GYPB: variants seen among roughly 807,000 people sequenced by gnomAD.
The protein encoded by GYPB is glycophorin B (MNS blood group).
GYPB carries 13 observed loss-of-function variants against 15.3 expected under a neutral mutation model. That is an observed-to-expected ratio of 0.85 (90% CI 0.55 to 1.35). The LOEUF is 1.35. Among genes scored for constraint, GYPB ranks in the 40% most tolerant of loss-of-function variants. The probability of loss-of-function intolerance (pLI) is 0.00; values close to 1 mark genes in which losing one functional copy is unlikely to be tolerated. For synonymous variants in GYPB, 38 were observed against 36.9 expected (o/e 1.03, Z -0.11); for missense variants, 131 against 108.3 (o/e 1.21, Z -0.93).
chr4:143,995,641 T>G (rs996832923), downstream of GYPB, among the ~76,000 whole-genome samples: 48 of 151,124 alleles, frequency 3.2e-4, 2 homozygotes, highest in African/African-American at 1.1e-3. Context: ...AGTCAGGCCC[T>G]TCTCTACGTG....
In GYPB at chr4:144,002,746, T is replaced by C. The variant is rs188867628; in HGVS notation, c.38-1463A>G. On this transcript the variant is annotated intron_variant, in intron 1 of 4. Transcript: ENST00000502664. ...CATCTTCTCTGACACCTCTCATTAG[T>C]CTACTCAAGGGAAGAGTTCTAAAAC... is the stretch of plus-strand genomic sequence containing the variant. The C allele has an allele frequency of 8.1e-5, 101 of 1,250,696 alleles. 3 individuals carry two copies. The African/African-American group carries it at 1.5e-3, about 18-fold the overall frequency. 77.5% of individuals were successfully genotyped at this position (1,250,696 alleles called of 1,614,324 possible). A position where few individuals can be genotyped will look rare whatever the true frequency, so the allele number is the denominator to read the frequency against.
rs143535803 is a variant in GYPB at position 144,004,017 on chromosome 4, C to A, written c.38-2734G>T. On this transcript the variant is annotated intron_variant, in intron 1 of 4. Coordinates refer to ENST00000502664, the MANE Select transcript of GYPB (RefSeq NM_002100.6). ...AATTTCCTCAATGTAAAATTGTATA[C>A]ACTTTATCCAAGTCCCATCTGGGCA... Among the ~76,000 whole-genome samples the A allele has an allele frequency of 7.1e-3, 1,069 of 151,536 alleles. 61 individuals are homozygous for A. The highest frequency in any genetic ancestry group is 0.025 in the African/African-American group (1,006 of 40,850).
At chr4:144,000,137 T>C (rs80219495) in intron 2 of GYPB, 14,133 of 110,802 alleles carry the variant, frequency 0.13, 13 homozygotes, top group Non-Finnish European at 0.17. Flanking sequence ...ATATGCTATG[T>C]TGTTTGATGA....
intron 1 of GYPB, among the ~76,000 whole-genome samples, chr4:144,006,886 A>G (rs913701467): frequency 7.3e-5 from 11 of 151,538 alleles, no homozygotes; most frequent in Admixed American, 3.3e-4. Context: ...TTCCAACTCA[A>G]TGCCTTTTCT....
At chr4:144,012,690 A>G (rs1437402682) in intron 1 of GYPB, 1 of 151,636 alleles carries the variant, frequency 6.6e-6, no homozygotes, top group Admixed American at 6.6e-5. Context: ...TTAACTTTCA[A>G]GAAGGGTGTC....
intron 1 of GYPB, among the ~76,000 whole-genome samples, chr4:144,011,470 CA>C (rs1416474364): frequency 6.6e-6 from 1 of 151,218 alleles, no homozygotes; most frequent in Non-Finnish European, 1.5e-5. Context: ...ACATTACAAA[CA>C]GTGAAAAAGA....
intron 1 of GYPB, chr4:144,008,588 G>A (rs1434657169): frequency 9.2e-6 from 4 of 435,754 alleles, no homozygotes; most frequent in African/African-American, 8.3e-5. Flanking sequence ...AGAACAAAAG[G>A]GGATTTCACA....
intron 1 of GYPB, among the ~76,000 whole-genome samples, chr4:144,014,901 G>A (rs1313276625): frequency 6.6e-6 from 1 of 151,444 alleles, no homozygotes; most frequent in Non-Finnish European, 1.5e-5. Context: ...GCCTATATAT[G>A]GAACCTAACC....
rs1275078171 is a variant in GYPB, at chr4:143,999,441, C to G, written c.145G>C (p.Gly49Arg). ...ACAGTGAAACGATGGACAAGTTGTC[C>G]CGTTTCTCCTATAAAGCAAAATTTC... ...YISSQTNGETGQLVHRFTVPA... is the reference protein window; with the variant it reads ...YISSQTNGETRQLVHRFTVPA... Residue 49 changes from glycine (G) to arginine (R), a missense_variant, in exon 3 of 5, where the codon GGA becomes CGA. By Grantham distance (125) the Gly-to-Arg change is moderately radical. Transcript: ENST00000502664. The G allele has an allele frequency of 2.0e-5, 30 of 1,532,750 alleles. No homozygotes were observed. Among genetic ancestry groups the G allele is most frequent in the Non-Finnish European group, 2.5e-5 (28 of 1,111,778 alleles). 94.9% of individuals were successfully genotyped at this position (1,532,750 alleles called of 1,614,324 possible). A position where few individuals can be genotyped will look rare whatever the true frequency, so the allele number is the denominator to read the frequency against.
At chr4:144,005,193 G>T (rs1455952273) in intron 1 of GYPB, among the ~76,000 whole-genome samples, 3 of 151,950 alleles carry the variant, frequency 2.0e-5, no homozygotes, top group Admixed American at 2.0e-4. Context: ...CGACTTTACA[G>T]ATAGACATTT....
chr4:144,005,627 C>T (rs1457553297), intron 1 of GYPB, among the ~76,000 whole-genome samples: 2 of 151,704 alleles, frequency 1.3e-5, no homozygotes, highest in East Asian at 3.9e-4. Flanking sequence ...CATCTTCTGG[C>T]AGGAACACAT....
chr4:144,007,359 G>A (rs1376623219), intron 1 of GYPB, among the ~76,000 whole-genome samples: 1 of 151,946 alleles, frequency 6.6e-6, no homozygotes, highest in Admixed American at 6.5e-5. Flanking sequence ...TGCTTTGGCA[G>A]TCCCCATACA....
At chr4:144,001,758 A>G (rs1202841661) in intron 1 of GYPB, among the ~76,000 whole-genome samples, 5 of 151,162 alleles carry the variant, frequency 3.3e-5, no homozygotes, top group African/African-American at 1.2e-4. Flanking sequence ...CTATGCTAAG[A>G]AAGGTGGAAG....
intron 1 of GYPB, among the ~76,000 whole-genome samples, chr4:144,017,522 T>C (rs539851833): frequency 3.3e-5 from 5 of 151,140 alleles, no homozygotes; most frequent in Admixed American, 2.0e-4. Flanking sequence ...CTGGAGACCA[T>C]TGTAGCTTTC....
chr4:144,008,514 G>C, intron 1 of GYPB: 1 of 455,012 alleles, frequency 2.2e-6, no homozygotes, highest in South Asian at 1.5e-5. Flanking sequence ...CTGTTAAGTT[G>C]AATCTTAATT....
chr4:144,009,539 C>T (rs1438078407), intron 1 of GYPB, among the ~76,000 whole-genome samples: 1 of 145,916 alleles, frequency 6.9e-6, no homozygotes, highest in Admixed American at 6.8e-5. Flanking sequence ...GATTTGTGGG[C>T]AGTAGAATTT....
At chr4:144,005,266 C>T (rs1727847203) in intron 1 of GYPB, among the ~76,000 whole-genome samples, 1 of 151,974 alleles carries the variant, frequency 6.6e-6, no homozygotes, top group Admixed American at 6.5e-5. Context: ...AGAACTGAGA[C>T]TTAATTCTGC....
chr4:144,017,486 C>T (rs1728567914), intron 1 of GYPB, among the ~76,000 whole-genome samples: 1 of 151,166 alleles, frequency 6.6e-6, no homozygotes, highest in South Asian at 2.1e-4. Context: ...AGGGTTTCTG[C>T]TACGAAGATG....
Position 144,009,774 on chromosome 4 carries a change from C to T in GYPB, c.38-8491G>A, listed in dbSNP as rs552706420. ...GACTACAGGCACCCGCCACCAAGCC[C>T]GGCTAATTTTTTGTATTTTTAGTAG... On this transcript the variant is annotated intron_variant, in intron 1 of 4. Transcript: ENST00000502664. Among the ~76,000 whole-genome samples, 101 of 149,758 alleles carry T rather than the reference C, an allele frequency of 6.7e-4. 5 individuals carry two copies. The highest frequency in any genetic ancestry group is 2.0e-3 in the African/African-American group (80 of 39,772).
Sources: gnomAD v4.1 joint callset for allele counts (sites outside exome capture counted in the v4.1 genomes callset) on GRCh38, gnomAD v4.1.1 for gene constraint, MANE v1.5 for transcripts, NCBI Gene and HGNC (gene_info 2026-07-23, HGNC 2026-07-21) for gene names.